The following CDHR3 variants were observed in gnomAD, a reference collection of about 807,000 sequenced individuals.
CDHR3 encodes cadherin-related family member 3.
Under a neutral mutation model 86.6 loss-of-function variants are expected in CDHR3, and 79 were observed. The ratio of observed to expected loss-of-function variants is 0.91; its 90% CI spans 0.76 to 1.10. The LOEUF (loss-of-function observed/expected upper bound fraction) is 1.10. Among genes scored for constraint, CDHR3 ranks in the 50% least tolerant of loss-of-function variants. The probability of loss-of-function intolerance (pLI) is 0.00; values close to 1 mark genes in which losing one functional copy is unlikely to be tolerated. For missense variants in CDHR3, 1,081 were observed against 1,077.6 expected (o/e 1.00, Z -0.04); for synonymous variants, 421 against 402.4 (o/e 1.05, Z -0.55).
rs746833377 is a variant in CDHR3 at position 106,030,076 on chromosome 7, C to T, written c.2305-716C>T. On this transcript the variant is annotated intron_variant, in intron 17 of 18. Transcript: ENST00000317716. This position sits in a 1 kb window ranked among gnomAD's most constrained non-coding sequence, Gnocchi z 4.8. ...TAAAAACTGGAGATTGGAAAGCTTG[C>T]TAAACTCCAAACACAATCCTTGTTA... 6.6e-6 allele frequency among the ~76,000 whole-genome samples: 1 copy of T among 152,136 alleles called. No homozygotes were observed. Among genetic ancestry groups the T allele is most frequent in the Admixed American group, 6.5e-5 (1 of 15,278 alleles).
chr7:106,031,323 T>C (rs765590493), intron 18 of CDHR3, among the ~76,000 whole-genome samples: 25 of 152,236 alleles, frequency 1.6e-4, no homozygotes, highest in Non-Finnish European at 3.2e-4. Flanking sequence ...GAATTTCCTC[T>C]TGGTCGGCAA....
intron 2 of CDHR3, among the ~76,000 whole-genome samples, chr7:105,978,132 A>T (rs1394046765): frequency 2.0e-5 from 3 of 152,342 alleles, no homozygotes; most frequent in African/African-American, 7.2e-5. Context: ...GCAATCAGGT[A>T]GGCTGCCCCA....
intron 1 of CDHR3, among the ~76,000 whole-genome samples, chr7:105,965,567 A>ACCCCCCCCC (rs56177648): frequency 5.8e-4 from 45 of 78,256 alleles, no homozygotes; most frequent in Non-Finnish European, 1.1e-3. Flanking sequence ...CTCAAGCCCC[A>ACCCCCCCCC]CCCCCCCCCA....
At chr7:105,965,648 T>C (rs1007737769) in intron 1 of CDHR3, among the ~76,000 whole-genome samples, 1 of 142,428 alleles carries the variant, frequency 7.0e-6, no homozygotes, top group African/African-American at 2.5e-5. Context: ...TCCTCTTGCC[T>C]GCACATGGAC....
rs1220197403 is a variant in CDHR3, at chr7:105,993,417, C to T, written c.514-1334C>T. Among the ~76,000 whole-genome samples the T allele has an allele frequency of 2.0e-5, 3 of 151,986 alleles. No homozygotes were observed. In the East Asian group the frequency reaches 5.8e-4, roughly 29 times the overall value. On this transcript the variant is annotated intron_variant, in intron 4 of 18. Coordinates refer to ENST00000317716, the MANE Select transcript of CDHR3 (RefSeq NM_152750.5). ...AGACGCAGTGGCTCATGCCTGTAATCCCAGCACTCAGGGAGGCAGAGGCAG... is the reference window on the plus strand; with the variant it reads ...AGACGCAGTGGCTCATGCCTGTAATTCCAGCACTCAGGGAGGCAGAGGCAG...
chr7:106,003,874 A>G (rs1833554696), intron 7 of CDHR3, among the ~76,000 whole-genome samples: 1 of 150,026 alleles, frequency 6.7e-6, no homozygotes, highest in African/African-American at 2.5e-5. Context: ...TGTTCACTCT[A>G]GTGTTGCGAA....
intron 2 of CDHR3, among the ~76,000 whole-genome samples, chr7:105,975,776 T>C (rs1828708787): frequency 1.3e-5 from 2 of 152,116 alleles, no homozygotes; most frequent in Non-Finnish European, 2.9e-5. Flanking sequence ...TGCCCCCACC[T>C]CCTTCCTCAA....
intron 2 of CDHR3, among the ~76,000 whole-genome samples, chr7:105,979,229 G>T (rs1829271784): frequency 6.6e-6 from 1 of 152,166 alleles, no homozygotes; most frequent in Non-Finnish European, 1.5e-5. Flanking sequence ...GGGCTTTCAA[G>T]CCAGTCAGTC....
chr7:106,031,446 G>A (rs902861288), intron 18 of CDHR3, among the ~76,000 whole-genome samples: 3 of 152,160 alleles, frequency 2.0e-5, no homozygotes, highest in African/African-American at 7.2e-5. Flanking sequence ...AATTATAGAC[G>A]TGAATAAAGG....
Position 106,027,868 on chromosome 7 carries a change from T to G in CDHR3, c.2273-683T>G, listed in dbSNP as rs532035566. Among the ~76,000 whole-genome samples, 12 of 152,238 alleles carry G rather than the reference T, an allele frequency of 7.9e-5. No homozygotes were observed. In the South Asian group the frequency reaches 2.5e-3, roughly 32 times the overall value. Reference sequence around the variant, plus strand: ...GGCTGGGCATGGTGGCTCACACTTATAATCCCAGCACTCTGGGAGGCCAAG... The same window carrying G: ...GGCTGGGCATGGTGGCTCACACTTAGAATCCCAGCACTCTGGGAGGCCAAG... On this transcript the variant is annotated intron_variant, in intron 16 of 18. Transcript: ENST00000317716.
In CDHR3 at chr7:105,994,731, T is replaced by G; in HGVS notation, c.514-20T>G. 2.5e-6 allele frequency: 4 copies of G among 1,574,834 alleles called. No homozygotes were observed. The highest frequency in any genetic ancestry group is 3.5e-6 in the Non-Finnish European group (4 of 1,150,916). ...GGGCAGGTGGGCTGATTTCATCAAT[T>G]TTTTTCCCTTGTTTTTTAGTATTTC... On this transcript the variant is annotated intron_variant, in intron 4 of 18. Transcript: ENST00000317716.
intron 8 of CDHR3, 32 bp from the exon 9 acceptor site, chr7:106,012,828 G>C (rs573135248): frequency 1.3e-6 from 2 of 1,560,884 alleles, no homozygotes; most frequent in East Asian, 2.3e-5. Context: ...ACCATTTATT[G>C]GGGGAAATAC....
intron 1 of CDHR3, among the ~76,000 whole-genome samples, chr7:105,967,188 A>G (rs1266721914): frequency 6.6e-6 from 1 of 152,040 alleles, no homozygotes; most frequent in Non-Finnish European, 1.5e-5. Flanking sequence ...CCCACTTATG[A>G]GTGAGAACGT....
At chr7:106,022,996 A>G (rs1259072362) in intron 14 of CDHR3, among the ~76,000 whole-genome samples, 1 of 152,208 alleles carries the variant, frequency 6.6e-6, no homozygotes, top group Non-Finnish European at 1.5e-5. Flanking sequence ...CAGTCACTTT[A>G]GCAAACAAGC....
rs185323076 is a variant in CDHR3, at chr7:105,994,736, T to C, written c.514-15T>C. 1.0e-4 allele frequency: 158 copies of C among 1,586,916 alleles called. 1 individual carries two copies. In the East Asian group the frequency reaches 3.3e-3, roughly 33 times the overall value. ...GGTGGGCTGATTTCATCAATTTTTT[T>C]CCCTTGTTTTTTAGTATTTCCTGAT... On this transcript the variant is annotated splice_polypyrimidine_tract_variant and intron_variant, in intron 4 of 18. Transcript: ENST00000317716.
At chr7:105,977,493 T>G (rs979743341) in intron 2 of CDHR3, among the ~76,000 whole-genome samples, 1 of 152,194 alleles carries the variant, frequency 6.6e-6, no homozygotes, top group Admixed American at 6.5e-5. Context: ...CCTAGTCCTG[T>G]GCCCTCCTTG....
chr7:106,020,645 A>T, intron 13 of CDHR3, 101 bp downstream of exon 13: 7 of 1,346,878 alleles, frequency 5.2e-6, no homozygotes, highest in Non-Finnish European at 7.1e-6. Flanking sequence ...GCAAAGTGGG[A>T]TGGGAGTTGG....
chr7:106,030,692 G>T lies in CDHR3; in HGVS notation c.2305-100G>T, dbSNP rs1838194559. The T allele has an allele frequency of 9.2e-7, 1 of 1,086,596 alleles. No individual in the cohort carries two copies. The highest frequency in any genetic ancestry group is 1.4e-6 in the Non-Finnish European group (1 of 728,114). The allele number at this position is 1,086,596 out of a possible 1,614,324, so 67.3% of individuals were successfully genotyped here. ...GCCTAATTAAAGACTTAGAAGTCAA[G>T]AAGGCTTTGGTTAAGGAACTTGGGT... On this transcript the variant is annotated intron_variant, in intron 17 of 18. Coordinates refer to ENST00000317716, the MANE Select transcript of CDHR3 (RefSeq NM_152750.5). The surrounding 1 kb of genome is among the most constrained non-coding windows in gnomAD (Gnocchi z 4.8).
intron 1 of CDHR3, among the ~76,000 whole-genome samples, chr7:105,968,247 A>G (rs1005569852): frequency 2.0e-5 from 3 of 152,216 alleles, no homozygotes; most frequent in African/African-American, 7.2e-5. Context: ...AGGAAGAGGT[A>G]TATATTGTGG....
Sources: allele counts gnomAD v4.1 joint callset (sites outside exome capture counted in the v4.1 genomes callset), GRCh38; gene constraint gnomAD v4.1.1; non-coding constraint Gnocchi (gnomAD v3.1); transcripts MANE v1.5; gene names NCBI Gene and HGNC (gene_info 2026-07-23, HGNC 2026-07-21).